MGAT4C: variants seen among roughly 807,000 people sequenced by gnomAD.
The protein encoded by MGAT4C is alpha-1,3-mannosyl-glycoprotein 4-beta-N-acetylglucosaminyltransferase C.
Under a neutral mutation model 40.1 loss-of-function variants are expected in MGAT4C, and 19 were observed. The ratio of observed to expected loss-of-function variants is 0.47; its 90% CI spans 0.33 to 0.70. MGAT4C has a LOEUF of 0.70. Ranked by LOEUF, MGAT4C falls within the 30% of genes least tolerant of loss-of-function variation. The pLI is 0.02. For synonymous variants in MGAT4C, 181 were observed against 187.1 expected (o/e 0.97, Z 0.27); for missense variants, 491 against 563.2 (o/e 0.87, Z 1.30).
chr12:86,085,057 A>T (rs1217522666), intron 1 of MGAT4C, among the ~76,000 whole-genome samples: 1 of 152,084 alleles, frequency 6.6e-6, no homozygotes, highest in Non-Finnish European at 1.5e-5. Flanking sequence ...ATATCTGAAA[A>T]GCCATGCACT....
At position 86,189,406 on chromosome 12, in the gene MGAT4C, T is replaced by TA. The variant is rs773715924; in HGVS notation, c.-57+66832dup. ...ATAGTACAGTAGCAGCCTCAACTTG[T>TA]AAAAAAAATCACAATAAGCTGAAAA... On this transcript the variant is annotated intron_variant, in intron 1 of 4. Coordinates refer to ENST00000611864, the MANE Select transcript of MGAT4C (RefSeq NM_001351288.2). Among the ~76,000 whole-genome samples, 48 of 151,664 alleles carry TA rather than the reference T, an allele frequency of 3.2e-4. No individual in the cohort carries two copies. In the Middle Eastern group the frequency reaches 0.01, roughly 32 times the overall value.
intron 2 of MGAT4C, among the ~76,000 whole-genome samples, chr12:86,721,567 T>C (rs1950736931): frequency 6.6e-6 from 1 of 152,114 alleles, no homozygotes; most frequent in Non-Finnish European, 1.5e-5. Context: ...AAGTTTAGCA[T>C]GGATTGGGGA....
At chr12:86,706,808 C>G (rs1326304654) in intron 2 of MGAT4C, among the ~76,000 whole-genome samples, 1 of 152,160 alleles carries the variant, frequency 6.6e-6, no homozygotes, top group Non-Finnish European at 1.5e-5. Flanking sequence ...TATGATTTGG[C>G]TGTGTCCCTG....
At chr12:86,011,700 C>T (rs1888476330) in intron 2 of MGAT4C, 5 of 324,460 alleles carry the variant, frequency 1.5e-5, no homozygotes, top group Non-Finnish European at 2.2e-5. Flanking sequence ...ACATTAGTAA[C>T]TTAGGGTCCC....
At chr12:86,772,289 G>T (rs1379380127) in intron 1 of MGAT4C, among the ~76,000 whole-genome samples, 1 of 152,140 alleles carries the variant, frequency 6.6e-6, no homozygotes. Context: ...GGCCAGAAAA[G>T]TTTTTTGAGA....
intron 2 of MGAT4C, among the ~76,000 whole-genome samples, chr12:86,615,611 G>A (rs981467449): frequency 1.3e-4 from 20 of 152,004 alleles, no homozygotes; most frequent in Non-Finnish European, 2.1e-4. Context: ...GGAGAAATAA[G>A]GTTAACTCTT....
chr12:86,386,915 G>T (rs1956063199), intron 3 of MGAT4C, among the ~76,000 whole-genome samples: 1 of 152,222 alleles, frequency 6.6e-6, no homozygotes, highest in South Asian at 2.1e-4. Flanking sequence ...TTGCATAGCT[G>T]ACTAATAACA....
chr12:86,550,848 C>A, intron 2 of MGAT4C, among the ~76,000 whole-genome samples: 1 of 152,328 alleles, frequency 6.6e-6, no homozygotes, highest in East Asian at 1.9e-4. Context: ...AGCATAAATA[C>A]ATGCCCACGC....
At chr12:86,467,879 T>C (rs1304075662) in intron 2 of MGAT4C, among the ~76,000 whole-genome samples, 1 of 152,248 alleles carries the variant, frequency 6.6e-6, no homozygotes, top group East Asian at 1.9e-4. Flanking sequence ...AGTTACATGG[T>C]AGATTGACAA....
At chr12:86,464,775 C>T (rs574035632) in intron 2 of MGAT4C, among the ~76,000 whole-genome samples, 1 of 151,882 alleles carries the variant, frequency 6.6e-6, no homozygotes, top group Admixed American at 6.5e-5. Context: ...ATTAATATTT[C>T]TATATTAACT....
chr12:85,982,641 A>G (rs144599642), intron 4 of MGAT4C, among the ~76,000 whole-genome samples: 311 of 152,358 alleles, frequency 2.0e-3, no homozygotes, highest in African/African-American at 7.1e-3. Context: ...TCTTAGAAAT[A>G]TAGTATGTTA....
chr12:86,642,252 C>A (rs545065180), intron 2 of MGAT4C, among the ~76,000 whole-genome samples: 6 of 151,918 alleles, frequency 3.9e-5, no homozygotes, highest in African/African-American at 1.2e-4. Flanking sequence ...GGAAGTTTCT[C>A]TCTCTTGCCA....
At chr12:86,143,651 T>C (rs1883151861) in intron 1 of MGAT4C, among the ~76,000 whole-genome samples, 1 of 152,184 alleles carries the variant, frequency 6.6e-6, no homozygotes, top group African/African-American at 2.4e-5. Context: ...GCTTACTTAA[T>C]CAGCCTTAGT....
intron 4 of MGAT4C, among the ~76,000 whole-genome samples, chr12:86,332,984 T>C (rs905301870): frequency 2.0e-5 from 3 of 152,166 alleles, no homozygotes; most frequent in Admixed American, 6.6e-5. Flanking sequence ...AAAGGCTATA[T>C]GAAACAAGCA....
At chr12:86,820,165 A>T (rs964150448) in intron 1 of MGAT4C, among the ~76,000 whole-genome samples, 2 of 150,892 alleles carry the variant, frequency 1.3e-5, no homozygotes, top group African/African-American at 4.8e-5. Flanking sequence ...TCTGTAATTC[A>T]ACAAATATAA....
intron 2 of MGAT4C, among the ~76,000 whole-genome samples, chr12:86,034,424 T>C (rs1286988829): frequency 2.0e-5 from 3 of 149,478 alleles, no homozygotes; most frequent in Non-Finnish European, 1.5e-5. Context: ...TGATCTTATA[T>C]TGGAAGTCAT....
intron 1 of MGAT4C, among the ~76,000 whole-genome samples, chr12:86,135,105 T>C (rs1881756952): frequency 6.6e-6 from 1 of 152,126 alleles, no homozygotes; most frequent in Admixed American, 6.5e-5. Flanking sequence ...CCATATCACA[T>C]ATATATTGCT....
At chr12:86,671,478 G>A (rs1160983451) in intron 2 of MGAT4C, among the ~76,000 whole-genome samples, 1 of 152,110 alleles carries the variant, frequency 6.6e-6, no homozygotes, top group Non-Finnish European at 1.5e-5. Context: ...CATTCTTAAT[G>A]AAAGGATACT....
chr12:86,714,817 A>AAGGAAGGAAG (rs1950618567), intron 2 of MGAT4C, among the ~76,000 whole-genome samples: 1 of 87,434 alleles, frequency 1.1e-5, no homozygotes, highest in African/African-American at 4.6e-5. Context: ...AAGGAAGGAA[A>AAGGAAGGAAG]GAATTAAAGT....
Sources: allele counts gnomAD v4.1 joint callset (sites outside exome capture counted in the v4.1 genomes callset), GRCh38; gene constraint gnomAD v4.1.1; transcripts MANE v1.5; gene names NCBI Gene and HGNC (gene_info 2026-07-23, HGNC 2026-07-21).